Variants in SLC7A14 observed in about 807,000 individuals in gnomAD.
The protein encoded by SLC7A14 is solute carrier family 7 member 14.
In SLC7A14, 37 loss-of-function variants were observed where a neutral mutation model predicts 60.2. The ratio of observed to expected loss-of-function variants is 0.61; its 90% CI spans 0.47 to 0.81. The LOEUF is 0.81. Among genes scored for constraint, SLC7A14 ranks in the 30% least tolerant of loss-of-function variants. The pLI, the probability that SLC7A14 is intolerant of heterozygous loss-of-function variation, is 0.00. For missense variants in SLC7A14, 886 were observed against 982.7 expected (o/e 0.90, Z 1.32); for synonymous variants, 399 against 395.8 (o/e 1.01, Z -0.10).
intron 1 of SLC7A14, among the ~76,000 whole-genome samples, chr3:170,538,791 A>G (rs73163884): frequency 0.046 from 7,060 of 152,286 alleles, 243 homozygotes; most frequent in South Asian, 0.082. Flanking sequence ...TGACCATCCA[A>G]TGTGATACAA....
At chr3:170,470,176 T>C (rs974578420) in intron 7 of SLC7A14, among the ~76,000 whole-genome samples, 1 of 151,986 alleles carries the variant, frequency 6.6e-6, no homozygotes, top group Non-Finnish European at 1.5e-5. Context: ...GGGAGAGAAG[T>C]CTCTTGCGTG....
chr3:170,521,893 C>T (rs34617385), intron 2 of SLC7A14, among the ~76,000 whole-genome samples: 55,607 of 151,662 alleles, frequency 0.37, 11,227 homozygotes, highest in South Asian at 0.49. Flanking sequence ...TGCACACCAG[C>T]CTGGGAGACA....
chr3:170,486,407 G>A (rs1188075258), intron 4 of SLC7A14, 39 bp from the exon 5 acceptor site: 2 of 1,613,780 alleles, frequency 1.2e-6, no homozygotes, highest in African/African-American at 2.7e-5. Context: ...CAGAAGATCG[G>A]GGTGGCACCT....
chr3:170,491,968 T>A (rs995591656), intron 4 of SLC7A14, among the ~76,000 whole-genome samples: 1 of 152,114 alleles, frequency 6.6e-6, no homozygotes, highest in Non-Finnish European at 1.5e-5. Context: ...AGATAGAAAA[T>A]TAGCAAAAAG....
intron 5 of SLC7A14, among the ~76,000 whole-genome samples, chr3:170,483,752 C>G (rs1372438539): frequency 6.6e-6 from 1 of 152,260 alleles, no homozygotes; most frequent in Non-Finnish European, 1.5e-5. Context: ...CAGAAACTCT[C>G]TATCTCTCTG....
intron 1 of SLC7A14, among the ~76,000 whole-genome samples, chr3:170,536,908 C>G (rs1014933240): frequency 1.3e-5 from 2 of 152,146 alleles, no homozygotes; most frequent in Non-Finnish European, 1.5e-5. Flanking sequence ...CACCTTCATG[C>G]CATGTGTAAT....
chr3:170,472,762 C>G (rs539060246), intron 7 of SLC7A14, among the ~76,000 whole-genome samples: 2 of 139,926 alleles, frequency 1.4e-5, no homozygotes, highest in Non-Finnish European at 3.1e-5. Flanking sequence ...GTGAAGACTC[C>G]GTCTCAAAAA....
intron 1 of SLC7A14, among the ~76,000 whole-genome samples, chr3:170,534,001 A>C (rs774458284): frequency 6.6e-6 from 1 of 152,240 alleles, no homozygotes; most frequent in East Asian, 1.9e-4. Flanking sequence ...TGCATATTTT[A>C]GCTATGCAAA....
chr3:170,567,506 G>C (rs13095098), intron 1 of SLC7A14, among the ~76,000 whole-genome samples: 28,395 of 151,338 alleles, frequency 0.19, 2,924 homozygotes, highest in South Asian at 0.28. Context: ...TGATTTATAG[G>C]CCTTTGGGTA....
intron 4 of SLC7A14, 112 bp from the exon 5 acceptor site, chr3:170,486,480 G>T: frequency 7.3e-7 from 1 of 1,371,358 alleles, no homozygotes; most frequent in Non-Finnish European, 1.0e-6. Context: ...GTGGCTGAGG[G>T]AGTAACATGG....
rs989614014 is a variant in SLC7A14 at position 170,532,401 on chromosome 3, C to T, written c.-152-5313G>A. Among the ~76,000 whole-genome samples the T allele has an allele frequency of 6.6e-6, 1 of 152,224 alleles. No homozygotes were observed. On this transcript the variant is annotated intron_variant, in intron 1 of 7. Coordinates refer to ENST00000231706, the MANE Select transcript of SLC7A14 (RefSeq NM_020949.3). The surrounding 1 kb of genome is among the most constrained non-coding windows in gnomAD (Gnocchi z 4.0). The stretch of plus-strand genomic sequence containing the variant: ...GCTTTTCTTCCTCTGGGCTGAGCTC[C>T]TGGCTCTGGGTTAAGAACACAATTC...
intron 1 of SLC7A14, among the ~76,000 whole-genome samples, chr3:170,547,583 C>G (rs550333055): frequency 2.1e-4 from 32 of 151,856 alleles, no homozygotes; most frequent in Non-Finnish European, 3.8e-4. Flanking sequence ...AGTGGATCAT[C>G]ATAAATATTT....
Position 170,549,074 on chromosome 3 carries a change from A to T in SLC7A14, c.-152-21986T>A, listed in dbSNP as rs148482639. On this transcript the variant is annotated intron_variant, in intron 1 of 7. Transcript: ENST00000231706. ...AACACTATAAATATTTTCACATTTGATTATCATGAGTCTGTAAGACAGGAA... is the reference window on the plus strand; with the variant it reads ...AACACTATAAATATTTTCACATTTGTTTATCATGAGTCTGTAAGACAGGAA... Among the ~76,000 whole-genome samples the T allele has an allele frequency of 3.1e-3, 465 of 152,312 alleles. 3 individuals carry two copies. Among genetic ancestry groups the T allele is most frequent in the African/African-American group, 0.011 (447 of 41,560 alleles).
At chr3:170,518,946 A>G (rs1713252891) in intron 2 of SLC7A14, among the ~76,000 whole-genome samples, 1 of 152,156 alleles carries the variant, frequency 6.6e-6, no homozygotes, top group African/African-American at 2.4e-5. Flanking sequence ...GTTTGCTGGG[A>G]TTGACTGTAC....
At chr3:170,488,051 C>T (rs140129404) in intron 4 of SLC7A14, among the ~76,000 whole-genome samples, 2 of 152,164 alleles carry the variant, frequency 1.3e-5, no homozygotes, top group East Asian at 3.9e-4. Context: ...CACATTGTTA[C>T]TAGATTACAA....
intron 7 of SLC7A14, among the ~76,000 whole-genome samples, chr3:170,478,279 T>G (rs1479200844): frequency 6.6e-6 from 1 of 152,250 alleles, no homozygotes; most frequent in East Asian, 1.9e-4. Flanking sequence ...GGTTTTGCCA[T>G]GTAGGCCAGG....
chr3:170,466,717 C>G lies in SLC7A14; in HGVS notation c.*338G>C. 4.8e-6 allele frequency: 1 copy of G among 207,372 alleles called. No homozygotes were observed. Among genetic ancestry groups the G allele is most frequent in the South Asian group, 1.1e-4 (1 of 9,386 alleles). 12.8% of individuals were successfully genotyped at this position (207,372 alleles called of 1,614,324 possible). On this transcript the variant is annotated 3_prime_UTR_variant, in exon 8 of 8. Transcript: ENST00000231706. Reference sequence around the variant, plus strand: ...AGGTGACTGAAATTCTGCCTTCTGCCCAGAGCCCCTGCTTGGGCTTCAACC... The same window carrying G: ...AGGTGACTGAAATTCTGCCTTCTGCGCAGAGCCCCTGCTTGGGCTTCAACC...
rs371546088 is a variant in SLC7A14, at chr3:170,480,590, C to T, written c.1692G>A (p.Thr564=). The T allele has an allele frequency of 6.6e-5, 107 of 1,614,068 alleles. No individual in the cohort carries two copies. The highest frequency in any genetic ancestry group is 4.0e-4 in the Admixed American group (24 of 60,002). ...MDRPTAATGH[T]VTICVLLLFI... is the part of the protein sequence containing the mutation. ...AGAGCAGGAGCACGCAGATGGTCAC[C>T]GTGTGCCCCGTCGCTGCTGTGGGCC... The change falls in exon 7 of 8, where the codon ACG becomes ACA. Residue 564 remains threonine, a synonymous_variant. Transcript: ENST00000231706.
intron 2 of SLC7A14, among the ~76,000 whole-genome samples, chr3:170,513,667 T>C (rs1367973207): frequency 1.3e-5 from 2 of 152,242 alleles, no homozygotes; most frequent in Non-Finnish European, 2.9e-5. Context: ...ACATACATAT[T>C]CATGACTTTT....
Sources: allele counts gnomAD v4.1 joint callset (sites outside exome capture counted in the v4.1 genomes callset), GRCh38; gene constraint gnomAD v4.1.1; non-coding constraint Gnocchi (gnomAD v3.1); transcripts MANE v1.5; gene names NCBI Gene and HGNC (gene_info 2026-07-23, HGNC 2026-07-21).